The following ZMIZ1 variants were observed in gnomAD, a reference collection of about 807,000 sequenced individuals.
ZMIZ1 encodes zinc finger MIZ-type containing 1, also known as zinc finger MIZ domain-containing protein 1.
A neutral mutation model predicts 113.9 loss-of-function variants in ZMIZ1; 17 were observed. The observed-to-expected ratio is 0.15, with a 90% CI of 0.10 to 0.22. The LOEUF (loss-of-function observed/expected upper bound fraction) is 0.22, where lower values mean the gene tolerates loss of function less well. Among genes scored for constraint, ZMIZ1 ranks in the 10% least tolerant of loss-of-function variants. The pLI is 1.00. For synonymous variants in ZMIZ1, 607 were observed against 603.1 expected (o/e 1.01, Z -0.09); for missense variants, 1,059 against 1,477.8 (o/e 0.72, Z 4.65).
At chr10:79,253,172 A>G (rs868049964) in intron 7 of ZMIZ1, among the ~76,000 whole-genome samples, 10 of 152,218 alleles carry the variant, frequency 6.6e-5, no homozygotes, top group African/African-American at 2.4e-4. Context: ...ATGAAGAGAA[A>G]TATAAGACAG....
At chr10:79,175,760 G>A (rs1301573747) in intron 4 of ZMIZ1, among the ~76,000 whole-genome samples, 1 of 151,954 alleles carries the variant, frequency 6.6e-6, no homozygotes, top group Non-Finnish European at 1.5e-5. Context: ...CCAGCAGGAA[G>A]GCAACCTGCA....
At chr10:79,229,854 C>G (rs1049825245) in intron 7 of ZMIZ1, among the ~76,000 whole-genome samples, 12 of 152,146 alleles carry the variant, frequency 7.9e-5, no homozygotes, top group African/African-American at 2.9e-4. Context: ...AAGTTTCCAA[C>G]CTGGACTGGG....
intron 7 of ZMIZ1, among the ~76,000 whole-genome samples, chr10:79,217,194 C>T (rs893540490): frequency 2.0e-5 from 3 of 152,128 alleles, no homozygotes; most frequent in African/African-American, 4.8e-5. Flanking sequence ...GAGGCCGAGG[C>T]GAGCAGATCA....
At chr10:79,207,415 A>G (rs1279979669) in intron 5 of ZMIZ1, among the ~76,000 whole-genome samples, 1 of 152,184 alleles carries the variant, frequency 6.6e-6, no homozygotes, top group Non-Finnish European at 1.5e-5. Context: ...TCCTAGCCAC[A>G]TCTTTTGTCT....
rs1564610257 is a variant in ZMIZ1, at chr10:79,310,990, C to T, written c.2902C>T (p.Pro968Ser). ...SIQQGLHVPH[P>S]SSQSGPPLHH... ...ACAACAAGGTTTGCACGTACCACAC[C>T]CCAGCAGCCAGTCAGGGCCTCCATT... Residue 968 changes from proline (P) to serine (S), a missense_variant, in exon 24 of 25, where the codon CCC becomes TCC. This residue lies in a region of ZMIZ1 where 225 missense variants were observed against 276.0 expected (regional missense o/e 0.82). Coordinates refer to ENST00000334512, the MANE Select transcript of ZMIZ1 (RefSeq NM_020338.4). The T allele has an allele frequency of 1.2e-6, 2 of 1,614,086 alleles. No homozygotes were observed. Among genetic ancestry groups the T allele is most frequent in the Non-Finnish European group, 1.7e-6 (2 of 1,180,018 alleles).
intron 7 of ZMIZ1, among the ~76,000 whole-genome samples, chr10:79,244,643 G>T (rs1201278393): frequency 1.3e-5 from 2 of 152,228 alleles, no homozygotes; most frequent in African/African-American, 2.4e-5. Flanking sequence ...AGGGCTGATG[G>T]CTCTTCCAGC....
At chr10:79,282,638 C>T (rs1852811962) in intron 8 of ZMIZ1, among the ~76,000 whole-genome samples, 1 of 152,248 alleles carries the variant, frequency 6.6e-6, no homozygotes, top group South Asian at 2.1e-4. Context: ...CAGCAAGACC[C>T]TTGACCTCTT....
intron 5 of ZMIZ1, among the ~76,000 whole-genome samples, chr10:79,205,377 A>T (rs926215451): frequency 1.3e-5 from 2 of 152,158 alleles, no homozygotes; most frequent in African/African-American, 4.8e-5. Flanking sequence ...CAGCAGGCTC[A>T]CCATCCTTTG....
At chr10:79,070,241 G>C (rs1319444138) in intron 1 of ZMIZ1, among the ~76,000 whole-genome samples, 3 of 152,048 alleles carry the variant, frequency 2.0e-5, no homozygotes, top group Non-Finnish European at 4.4e-5. Flanking sequence ...CGTCTAGGGC[G>C]CGGGCAGCGG....
At chr10:79,078,510 A>G (rs1309033666) in intron 1 of ZMIZ1, among the ~76,000 whole-genome samples, 1 of 150,484 alleles carries the variant, frequency 6.6e-6, no homozygotes, top group Admixed American at 6.6e-5. Context: ...GAGATGGCTC[A>G]GAGTAAATAG....
At position 79,109,730 on chromosome 10, in the gene ZMIZ1, G is replaced by A. The variant is rs531014860; in HGVS notation, c.-336-9185G>A. Among the ~76,000 whole-genome samples, 3 of 152,336 alleles carry A rather than the reference G, an allele frequency of 2.0e-5. No homozygotes were observed. In the South Asian group the frequency reaches 6.2e-4, roughly 32 times the overall value. ...CAGGCAGCCAGGTGCACAAACCCAG[G>A]CTCTGTTGCCAGCATGTGGCCCTAG... On this transcript the variant is annotated intron_variant, in intron 1 of 24. Transcript: ENST00000334512.
Position 79,314,070 on chromosome 10 carries a change from G to A in ZMIZ1, c.*1321G>A, listed in dbSNP as rs1259891521. The A allele has an allele frequency of 2.0e-5, 9 of 456,808 alleles. No homozygotes were observed. The highest frequency in any genetic ancestry group is 1.1e-4 in the South Asian group (7 of 64,580). The allele number at this position is 456,808 out of a possible 1,614,324, so 28.3% of individuals were successfully genotyped here. Reference sequence around the variant, plus strand: ...CTGCCCTTGGCTGCCAGCCTACCCTGCCTGCACTCCTCCACCATCACAATC... The same window carrying A: ...CTGCCCTTGGCTGCCAGCCTACCCTACCTGCACTCCTCCACCATCACAATC... On this transcript the variant is annotated 3_prime_UTR_variant, in exon 25 of 25. Coordinates refer to ENST00000334512, the MANE Select transcript of ZMIZ1 (RefSeq NM_020338.4).
At chr10:79,271,218 C>A (rs909099517) in intron 7 of ZMIZ1, among the ~76,000 whole-genome samples, 2 of 152,210 alleles carry the variant, frequency 1.3e-5, no homozygotes, top group Non-Finnish European at 2.9e-5. Flanking sequence ...CTTTGTCTCA[C>A]CCTCTGCTAT....
At chr10:79,074,910 C>G (rs1257640804) in intron 1 of ZMIZ1, among the ~76,000 whole-genome samples, 1 of 152,248 alleles carries the variant, frequency 6.6e-6, no homozygotes, top group East Asian at 1.9e-4. Context: ...CCAGGCCCTG[C>G]CTGTCAGGCC....
At chr10:79,300,484 A>T (rs1228586511) in intron 16 of ZMIZ1, among the ~76,000 whole-genome samples, 3 of 151,614 alleles carry the variant, frequency 2.0e-5, no homozygotes, top group Admixed American at 6.6e-5. Flanking sequence ...GGGAGATGGG[A>T]GCTAGAGCTG....
At chr10:79,212,261 G>A (rs191888292) in intron 6 of ZMIZ1, among the ~76,000 whole-genome samples, 7 of 152,002 alleles carry the variant, frequency 4.6e-5, no homozygotes, top group East Asian at 1.9e-4. Context: ...GGGCTTAAGC[G>A]ATCCTCCTGC....
At chr10:79,250,897 C>T (rs1850509964) in intron 7 of ZMIZ1, among the ~76,000 whole-genome samples, 1 of 152,190 alleles carries the variant, frequency 6.6e-6, no homozygotes, top group African/African-American at 2.4e-5. Flanking sequence ...TCCTGGCACC[C>T]ACGGTGTCCT....
intron 7 of ZMIZ1, among the ~76,000 whole-genome samples, chr10:79,248,433 C>G (rs920509405): frequency 1.3e-5 from 2 of 152,128 alleles, no homozygotes; most frequent in Non-Finnish European, 2.9e-5. Flanking sequence ...ACCTTCAGGG[C>G]AGTGGGGAGC....
chr10:79,237,618 G>T (rs1240066799), intron 7 of ZMIZ1, among the ~76,000 whole-genome samples: 1 of 152,194 alleles, frequency 6.6e-6, no homozygotes, highest in Non-Finnish European at 1.5e-5. Context: ...GCATGTCTCT[G>T]TGTCTAAACT....
Sources: gnomAD v4.1 joint callset for allele counts (sites outside exome capture counted in the v4.1 genomes callset) on GRCh38, gnomAD v4.1.1 for gene constraint, gnomAD v4.1.1 regional missense constraint, MANE v1.5 for transcripts, NCBI Gene and HGNC (gene_info 2026-07-23, HGNC 2026-07-21) for gene names.